The following CATSPERB variants were observed in gnomAD, a reference collection of about 807,000 sequenced individuals.
CATSPERB encodes the protein catsper channel auxiliary subunit beta, also known as cation channel sperm-associated auxiliary subunit beta.
CATSPERB carries 93 observed loss-of-function variants against 128.3 expected under a neutral mutation model. That is an observed-to-expected ratio of 0.72 (90% CI 0.61 to 0.86). CATSPERB has a LOEUF of 0.86. CATSPERB is among the 40% of genes least tolerant of loss of function. CATSPERB has a pLI of 0.00. For synonymous variants in CATSPERB, 381 were observed against 448.8 expected (o/e 0.85, Z 1.91); for missense variants, 1,153 against 1,329.5 (o/e 0.87, Z 2.06).
chr14:91,620,366 A>G (rs1894019641), intron 19 of CATSPERB, among the ~76,000 whole-genome samples: 1 of 152,076 alleles, frequency 6.6e-6, no homozygotes, highest in African/African-American at 2.4e-5. Context: ...TCACTGCCTT[A>G]TGATCAGTAT....
At chr14:91,687,923 A>G (rs1895401802) in intron 10 of CATSPERB, among the ~76,000 whole-genome samples, 1 of 148,636 alleles carries the variant, frequency 6.7e-6, no homozygotes, top group Admixed American at 6.8e-5. Flanking sequence ...ACTGCACTCC[A>G]GCCTGGGTGA....
At chr14:91,712,142 G>A (rs567680693) in intron 5 of CATSPERB, among the ~76,000 whole-genome samples, 1 of 152,232 alleles carries the variant, frequency 6.6e-6, no homozygotes, top group South Asian at 2.1e-4. Flanking sequence ...ATTACAGTAA[G>A]TTCTCACTTA....
chr14:91,671,465 C>T (rs1480111699), intron 13 of CATSPERB, among the ~76,000 whole-genome samples: 1 of 151,942 alleles, frequency 6.6e-6, no homozygotes, highest in Non-Finnish European at 1.5e-5. Flanking sequence ...ATCCCAGCTA[C>T]TTGGGAGGCT....
At chr14:91,731,663 A>AC (rs1267347638) in intron 1 of CATSPERB, among the ~76,000 whole-genome samples, 1 of 152,158 alleles carries the variant, frequency 6.6e-6, no homozygotes, top group Non-Finnish European at 1.5e-5. Flanking sequence ...ACACTCCCCT[A>AC]CTGACCTACT....
intron 14 of CATSPERB, among the ~76,000 whole-genome samples, chr14:91,662,720 G>T (rs1894907858): frequency 6.6e-6 from 1 of 152,174 alleles, no homozygotes; most frequent in South Asian, 2.1e-4. Flanking sequence ...TGTATCGACA[G>T]AATTTATTTT....
chr14:91,659,409 T>A (rs1280086536), intron 15 of CATSPERB, among the ~76,000 whole-genome samples: 1 of 152,208 alleles, frequency 6.6e-6, no homozygotes, highest in Non-Finnish European at 1.5e-5. Flanking sequence ...GATTACCAAA[T>A]GAAAGAGATG....
At chr14:91,609,999 G>A (rs893590240) in intron 21 of CATSPERB, among the ~76,000 whole-genome samples, 1 of 152,214 alleles carries the variant, frequency 6.6e-6, no homozygotes, top group Non-Finnish European at 1.5e-5. Flanking sequence ...GGGATTACAG[G>A]CGTGAGCCAC....
At chr14:91,725,898 C>T (rs1022808097) in intron 2 of CATSPERB, among the ~76,000 whole-genome samples, 3 of 152,138 alleles carry the variant, frequency 2.0e-5, no homozygotes, top group African/African-American at 4.8e-5. Context: ...CCATATAAAC[C>T]CCAGACCCCA....
At chr14:91,605,255 G>A in intron 22 of CATSPERB, 3 of 1,351,222 alleles carry the variant, frequency 2.2e-6, no homozygotes, top group East Asian at 2.3e-5. Flanking sequence ...TGTAAGTGAA[G>A]AGTCTTTACA....
intron 22 of CATSPERB, among the ~76,000 whole-genome samples, chr14:91,595,240 T>C (rs970512008): frequency 2.0e-5 from 3 of 152,004 alleles, no homozygotes; most frequent in African/African-American, 7.2e-5. Context: ...ACATAGGCTT[T>C]TAAATTGACT....
rs1229641105 is a variant in CATSPERB, at chr14:91,587,273, A to T, written c.3061T>A (p.Ser1021Thr). Residue 1021 changes from serine (S) to threonine (T), a missense_variant, in exon 26 of 27, where the codon TCT (serine) becomes ACT (threonine). Ser to Thr is a moderately conservative substitution (Grantham distance 58). Coordinates refer to ENST00000256343, the MANE Select transcript of CATSPERB (RefSeq NM_024764.4). ...PSGLNLSIKG[S>T]ELFHFRVTVI... ...GTCACTCTAAAGTGGAAAAGTTCAGAGCCCTGTGGAAAAAAGCACACCCAG... is the reference window on the plus strand; with the variant it reads ...GTCACTCTAAAGTGGAAAAGTTCAGTGCCCTGTGGAAAAAAGCACACCCAG... 6.2e-7 allele frequency: 1 copy of T among 1,603,696 alleles called. No homozygotes were observed. Among genetic ancestry groups the T allele is most frequent in the East Asian group, 2.3e-5 (1 of 44,140 alleles).
intron 11 of CATSPERB, 132 bp downstream of exon 11, chr14:91,683,745 G>A (rs10139470): frequency 1.1e-5 from 6 of 560,376 alleles, no homozygotes; most frequent in Admixed American, 3.6e-5. Context: ...CACCCCAAGT[G>A]CCCCTTTTTA....
At chr14:91,589,768 C>T in intron 23 of CATSPERB, 99 bp from the exon 24 acceptor site, 1 of 1,136,746 alleles carries the variant, frequency 8.8e-7, no homozygotes, top group Non-Finnish European at 1.3e-6. Flanking sequence ...AATAGTTTGG[C>T]TGTTCAATGA....
At chr14:91,619,327 G>A (rs1372738684) in intron 19 of CATSPERB, among the ~76,000 whole-genome samples, 1 of 151,932 alleles carries the variant, frequency 6.6e-6, no homozygotes, top group Admixed American at 6.6e-5. Flanking sequence ...TAAATAGAAA[G>A]TTAAAACCAT....
chr14:91,610,206 T>C (rs112109062), intron 21 of CATSPERB, among the ~76,000 whole-genome samples: 33 of 152,270 alleles, frequency 2.2e-4, no homozygotes, highest in African/African-American at 7.0e-4. Flanking sequence ...GGGAAAATAG[T>C]TGAATATATC....
intron 15 of CATSPERB, among the ~76,000 whole-genome samples, chr14:91,658,603 C>G (rs547454184): frequency 1.4e-5 from 2 of 147,616 alleles, no homozygotes; most frequent in East Asian, 2.0e-4. Flanking sequence ...CCCCATTTAC[C>G]CCGATATGAT....
intron 20 of CATSPERB, among the ~76,000 whole-genome samples, chr14:91,612,067 C>CTTT (rs1566703361): frequency 0.063 from 2,720 of 42,866 alleles, 36 homozygotes; most frequent in Middle Eastern, 0.074. Flanking sequence ...TTTCTTTCTT[C>CTTT]CTTTTTTTAA....
Position 91,639,203 on chromosome 14 carries a change from T to A in CATSPERB, c.1480A>T (p.Thr494Ser), listed in dbSNP as rs1378267392. The change falls in exon 16 of 27, where the codon ACA (threonine) becomes TCA (serine). Residue 494 changes from threonine to serine, a missense_variant. By Grantham distance (58) the Thr-to-Ser change is moderately conservative. Transcript: ENST00000256343. ...AATCCCAAGTGATCATAGTATAATG[T>A]GAAAATTCTCTCAGTAACACTTCCG... The part of the protein sequence containing the change: ...AVGSVTERIF[T>S]LYYDHLGFLH... The A allele has an allele frequency of 6.2e-7, 1 of 1,613,902 alleles. No individual in the cohort carries two copies.
chr14:91,625,350 T>C (rs1377418312), intron 17 of CATSPERB, among the ~76,000 whole-genome samples: 1 of 152,168 alleles, frequency 6.6e-6, no homozygotes, highest in African/African-American at 2.4e-5. Context: ...ACCTTTTCCC[T>C]GCTCTGATTC....
Sources: gnomAD v4.1 joint callset for allele counts (sites outside exome capture counted in the v4.1 genomes callset) on GRCh38, gnomAD v4.1.1 for gene constraint, MANE v1.5 for transcripts, NCBI Gene and HGNC (gene_info 2026-07-23, HGNC 2026-07-21) for gene names.